The following SHISA9 variants were observed in gnomAD, a reference collection of about 807,000 sequenced individuals.
SHISA9 encodes protein shisa-9.
In SHISA9, 13 loss-of-function variants were observed where a neutral mutation model predicts 38.0. The ratio of observed to expected loss-of-function variants is 0.34; its 90% CI spans 0.22 to 0.54. The LOEUF is 0.54. SHISA9 is among the 20% of genes least tolerant of loss of function. The pLI, the probability that SHISA9 is intolerant of heterozygous loss-of-function variation, is 0.91. For synonymous variants in SHISA9, 275 were observed against 242.0 expected, an observed-to-expected ratio of 1.14 and a Z score of -1.27; for missense variants, 538 against 575.8, an observed-to-expected ratio of 0.93 and a Z score of 0.67.
At chr16:13,156,470 C>T (rs969715048) in intron 2 of SHISA9, among the ~76,000 whole-genome samples, 6 of 152,100 alleles carry the variant, frequency 3.9e-5, no homozygotes, top group Non-Finnish European at 8.8e-5. Flanking sequence ...CATGGTGGCT[C>T]ACGCCTGTAA....
chr16:13,438,441 T>C, the SHISA9 span, among the ~76,000 whole-genome samples: 1 of 152,294 alleles, frequency 6.6e-6, no homozygotes, highest in South Asian at 2.1e-4. Context: ...CTTACATATC[T>C]AGTAGTGCTT....
chr16:12,941,894 C>A (rs1211284669), intron 2 of SHISA9, among the ~76,000 whole-genome samples: 1 of 152,114 alleles, frequency 6.6e-6, no homozygotes, highest in Admixed American at 6.5e-5. Flanking sequence ...TTATAGTCAC[C>A]CTGTTGTGCT....
chr16:13,176,872 A>G (rs2050735958), intron 2 of SHISA9, among the ~76,000 whole-genome samples: 1 of 152,070 alleles, frequency 6.6e-6, no homozygotes, highest in African/African-American at 2.4e-5. Flanking sequence ...TTCTTAATCT[A>G]ATGTTGAGAC....
chr16:13,506,093 C>A, the SHISA9 span, among the ~76,000 whole-genome samples: 1 of 152,110 alleles, frequency 6.6e-6, no homozygotes, highest in Non-Finnish European at 1.5e-5. Context: ...TAGCTAAACC[C>A]CAGATAAAAC....
chr16:13,178,733 G>A (rs4781422), intron 2 of SHISA9, among the ~76,000 whole-genome samples: 49,793 of 151,936 alleles, frequency 0.33, 8,630 homozygotes, highest in African/African-American at 0.43. Flanking sequence ...AACCACATTT[G>A]AAAATAGTAA....
chr16:13,131,083 A>T (rs1185844691), intron 2 of SHISA9, among the ~76,000 whole-genome samples: 1 of 146,236 alleles, frequency 6.8e-6, no homozygotes, highest in Non-Finnish European at 1.5e-5. Context: ...AAGCAGAAAT[A>T]CCATTTGACC....
chr16:13,190,305 C>A (rs1044213330), intron 2 of SHISA9, among the ~76,000 whole-genome samples: 21 of 150,556 alleles, frequency 1.4e-4, no homozygotes, highest in African/African-American at 2.9e-4. Flanking sequence ...TGTTCAATTC[C>A]CACCTATGAG....
chr16:13,124,759 T>TA lies in SHISA9; in HGVS notation c.692-78627dup, dbSNP rs1000902540. On this transcript the variant is annotated intron_variant, in intron 2 of 4. Transcript: ENST00000558583. ...TAACCAAAATAGCATGGCACTGGCA[T>TA]AAAAAAAAGACACATAAACCAATGG... 7.2e-5 allele frequency among the ~76,000 whole-genome samples: 11 copies of TA among 151,816 alleles called. No individual in the cohort carries two copies. In the East Asian group the frequency reaches 9.7e-4, roughly 13 times the overall value.
intron 2 of SHISA9, among the ~76,000 whole-genome samples, chr16:13,079,200 G>A (rs2073619151): frequency 1.3e-5 from 2 of 152,154 alleles, no homozygotes; most frequent in African/African-American, 4.8e-5. Flanking sequence ...ATGTAGTTAG[G>A]GTTACAGGAT....
At chr16:13,399,985 C>G in the SHISA9 span, among the ~76,000 whole-genome samples, 8 of 152,240 alleles carry the variant, frequency 5.3e-5, no homozygotes, top group African/African-American at 1.9e-4. Flanking sequence ...TTTGCCAATG[C>G]TTTCAAGCGT....
intron 1 of SHISA9, among the ~76,000 whole-genome samples, chr16:12,904,956 G>T (rs557493901): frequency 6.6e-6 from 1 of 152,206 alleles, no homozygotes; most frequent in Admixed American, 6.5e-5. Context: ...GACCTCCAGT[G>T]ATCCTCCCAC....
At chr16:13,259,031 C>T in the SHISA9 span, among the ~76,000 whole-genome samples, 1 of 152,204 alleles carries the variant, frequency 6.6e-6, no homozygotes, top group Non-Finnish European at 1.5e-5. Flanking sequence ...CCAAAGTCAT[C>T]TGAGACAAGG....
chr16:13,547,438 T>C, the SHISA9 span, among the ~76,000 whole-genome samples: 1 of 152,180 alleles, frequency 6.6e-6, no homozygotes, highest in African/African-American at 2.4e-5. Context: ...CAAGATGCTG[T>C]CTGCAAGCTG....
At chr16:13,025,039 A>G (rs2141870568) in intron 2 of SHISA9, among the ~76,000 whole-genome samples, 1 of 152,332 alleles carries the variant, frequency 6.6e-6, no homozygotes, top group East Asian at 1.9e-4. Context: ...GAGGGTTCTT[A>G]TAGAACAGCA....
At chr16:12,984,386 G>A (rs1401514351) in intron 2 of SHISA9, among the ~76,000 whole-genome samples, 1 of 152,170 alleles carries the variant, frequency 6.6e-6, no homozygotes, top group Non-Finnish European at 1.5e-5. Context: ...TATGAGCTCA[G>A]TTTGCTGAAG....
chr16:13,261,174 A>G, the SHISA9 span, among the ~76,000 whole-genome samples: 75 of 152,188 alleles, frequency 4.9e-4, no homozygotes, highest in African/African-American at 1.7e-3. Flanking sequence ...ATGGTAAACA[A>G]GACCATCTTG....
chr16:13,158,594 C>T (rs2050567527), intron 2 of SHISA9, among the ~76,000 whole-genome samples: 1 of 152,188 alleles, frequency 6.6e-6, no homozygotes, highest in South Asian at 2.1e-4. Flanking sequence ...TTCAAAGACA[C>T]ATCTGATTGG....
chr16:12,943,991 C>A (rs756728940), intron 2 of SHISA9, among the ~76,000 whole-genome samples: 12 of 151,178 alleles, frequency 7.9e-5, no homozygotes, highest in Admixed American at 2.0e-4. Context: ...TCAGACAATT[C>A]TTTGTTGTGG....
intron 2 of SHISA9, among the ~76,000 whole-genome samples, chr16:12,963,139 A>G (rs542993378): frequency 6.0e-4 from 92 of 152,346 alleles, no homozygotes; most frequent in African/African-American, 2.1e-3. Flanking sequence ...TGAGGGAAGC[A>G]GGAGCCTGGG....
Sources: allele counts gnomAD v4.1 joint callset (sites outside exome capture counted in the v4.1 genomes callset), GRCh38; gene constraint gnomAD v4.1.1; transcripts MANE v1.5; gene names NCBI Gene and HGNC (gene_info 2026-07-23, HGNC 2026-07-21).